ADAMTSL1: variants seen among roughly 807,000 people sequenced by gnomAD.
ADAMTSL1 encodes the protein ADAMTS like 1.
Under a neutral mutation model 201.8 loss-of-function variants are expected in ADAMTSL1, and 126 were observed. That is an observed-to-expected ratio of 0.62 (90% CI 0.54 to 0.72). The LOEUF (loss-of-function observed/expected upper bound fraction) is 0.72. Ranked by LOEUF, ADAMTSL1 falls within the 30% of genes least tolerant of loss-of-function variation. ADAMTSL1 has a pLI of 0.00. For missense variants in ADAMTSL1, 2,679 were observed against 2,277.8 expected, an observed-to-expected ratio of 1.18 and a Z score of -3.59; for synonymous variants, 1,121 against 903.4, an observed-to-expected ratio of 1.24 and a Z score of -4.32.
intron 25 of ADAMTSL1, chr9:18,890,794 C>T (rs921045700): frequency 2.0e-5 from 7 of 347,534 alleles, no homozygotes; most frequent in Non-Finnish European, 2.8e-5. Flanking sequence ...AAATGCAGGC[C>T]TGACATTCAC....
At chr9:18,680,611 C>G in intron 11 of ADAMTSL1, 95 bp downstream of exon 11, 2 of 1,401,288 alleles carry the variant, frequency 1.4e-6, no homozygotes, top group Non-Finnish European at 2.0e-6. Flanking sequence ...CAGCTCCACA[C>G]TCTTCTTGAG....
At chr9:18,803,795 G>C (rs1020887541) in intron 20 of ADAMTSL1, among the ~76,000 whole-genome samples, 9 of 152,058 alleles carry the variant, frequency 5.9e-5, no homozygotes, top group African/African-American at 2.2e-4. Flanking sequence ...CCCCTGGTTT[G>C]TATTTCATTT....
chr9:18,416,382 A>G (rs1006870802), intron 2 of ADAMTSL1, among the ~76,000 whole-genome samples: 4 of 150,264 alleles, frequency 2.7e-5, no homozygotes, highest in African/African-American at 4.9e-5. Context: ...AAATGGAATT[A>G]TAAAAAAATT....
intron 1 of ADAMTSL1, among the ~76,000 whole-genome samples, chr9:18,149,313 G>T (rs1475241477): frequency 6.6e-6 from 1 of 152,030 alleles, no homozygotes; most frequent in Non-Finnish European, 1.5e-5. Context: ...GATCATGGTG[G>T]GTTCAGAAGG....
rs1005948639 is a variant in ADAMTSL1, at chr9:18,770,131, C to T, written c.2218-471C>T. Among the ~76,000 whole-genome samples, 5 of 152,156 alleles carry T rather than the reference C, an allele frequency of 3.3e-5. No individual in the cohort carries two copies. In the East Asian group the frequency reaches 7.7e-4, roughly 23 times the overall value. ...CAGACCCTAAATCTAATGCCCATTCCGTGTGGTAGAGTGCCTTCACTTAGA... is the reference window on the plus strand; with the variant it reads ...CAGACCCTAAATCTAATGCCCATTCTGTGTGGTAGAGTGCCTTCACTTAGA... On this transcript the variant is annotated intron_variant, in intron 16 of 28. Coordinates refer to ENST00000380548, the MANE Select transcript of ADAMTSL1 (RefSeq NM_001040272.6).
At position 18,657,758 on chromosome 9, in the gene ADAMTSL1, T is replaced by G; in HGVS notation, c.946+8T>G. ...CAGCAACCTGTGGAGGAGGTAATGG[T>G]GTTCACTTAGTCTAAAAACTGTTGG... On this transcript the variant is annotated splice_region_variant and intron_variant, in intron 8 of 28. Coordinates refer to ENST00000380548, the MANE Select transcript of ADAMTSL1 (RefSeq NM_001040272.6). 1 of 1,605,888 alleles carries G rather than the reference T, an allele frequency of 6.2e-7. No individual in the cohort carries two copies. The highest frequency in any genetic ancestry group is 1.1e-5 in the South Asian group (1 of 90,920).
At chr9:18,886,168 A>ATGTGTG (rs1229697274) in intron 23 of ADAMTSL1, among the ~76,000 whole-genome samples, 1 of 39,482 alleles carries the variant, frequency 2.5e-5, no homozygotes, top group Admixed American at 2.0e-4. Context: ...GTGTATGTGT[A>ATGTGTG]TATATATATA....
chr9:18,581,046 A>G lies in ADAMTSL1; in HGVS notation c.474+6780A>G, dbSNP rs545749842. Among the ~76,000 whole-genome samples the G allele has an allele frequency of 2.0e-5, 3 of 152,210 alleles. No homozygotes were observed. In the South Asian group the frequency reaches 6.2e-4, roughly 32 times the overall value. On this transcript the variant is annotated intron_variant, in intron 4 of 28. Coordinates refer to ENST00000380548, the MANE Select transcript of ADAMTSL1 (RefSeq NM_001040272.6). The stretch of plus-strand genomic sequence containing the variant: ...ACAGAAATTTATTCTCCCACAGTTC[A>G]TGAGGCCAGAATTCAAAAATCAAAG...
intron 15 of ADAMTSL1, among the ~76,000 whole-genome samples, chr9:18,728,434 G>A (rs775037285): frequency 2.2e-4 from 34 of 152,026 alleles, no homozygotes; most frequent in Non-Finnish European, 4.3e-4. Context: ...TATTAAAGCA[G>A]AGAGTGTTTT....
chr9:18,084,827 T>A (rs1194911050), intron 1 of ADAMTSL1, among the ~76,000 whole-genome samples: 2 of 151,300 alleles, frequency 1.3e-5, no homozygotes, highest in Admixed American at 6.6e-5. Context: ...AACATTATAA[T>A]CAGGTAAAGC....
intron 20 of ADAMTSL1, among the ~76,000 whole-genome samples, chr9:18,797,134 AG>A (rs1316260409): frequency 6.6e-6 from 1 of 152,206 alleles, no homozygotes; most frequent in African/African-American, 2.4e-5. Context: ...GCAGCCAAAG[AG>A]GCACCAGGGA....
At chr9:18,508,640 G>T (rs559976088) in intron 2 of ADAMTSL1, among the ~76,000 whole-genome samples, 2 of 152,136 alleles carry the variant, frequency 1.3e-5, no homozygotes, top group Non-Finnish European at 2.9e-5. Context: ...AGCTATCAAA[G>T]TTCATGGAGA....
chr9:18,718,177 A>G (rs752235537), intron 14 of ADAMTSL1: 2 of 797,130 alleles, frequency 2.5e-6, no homozygotes, highest in African/African-American at 3.4e-5. Context: ...TCCAAGTCAT[A>G]CTTATTACCA....
At chr9:18,318,781 A>T (rs76655351) in intron 2 of ADAMTSL1, among the ~76,000 whole-genome samples, 3,516 of 152,200 alleles carry the variant, frequency 0.023, 124 homozygotes, top group African/African-American at 0.079. Context: ...CAGATTCAGC[A>T]AGTCTAACGG....
At chr9:18,900,644 A>T (rs955944972) in intron 26 of ADAMTSL1, among the ~76,000 whole-genome samples, 9 of 152,212 alleles carry the variant, frequency 5.9e-5, no homozygotes, top group Admixed American at 3.3e-4. Context: ...TAGAGCTGAA[A>T]GCGTTATCCT....
intron 1 of ADAMTSL1, among the ~76,000 whole-genome samples, chr9:18,057,548 AG>A (rs755706733): frequency 9.2e-5 from 14 of 152,186 alleles, no homozygotes; most frequent in Non-Finnish European, 1.8e-4. Flanking sequence ...GTTACAAACA[AG>A]GGAGAAATCA....
At chr9:18,692,954 A>C (rs1481531504) in intron 13 of ADAMTSL1, among the ~76,000 whole-genome samples, 1 of 152,238 alleles carries the variant, frequency 6.6e-6, no homozygotes, top group Non-Finnish European at 1.5e-5. Flanking sequence ...GTCTGAAACA[A>C]GTGTCATATC....
intron 1 of ADAMTSL1, among the ~76,000 whole-genome samples, chr9:18,490,752 C>T (rs763941899): frequency 6.6e-5 from 10 of 152,094 alleles, no homozygotes; most frequent in Admixed American, 4.6e-4. Flanking sequence ...GAGCATATTC[C>T]GCAGCAAGAT....
At chr9:18,718,128 G>C in intron 14 of ADAMTSL1, 4 of 1,088,078 alleles carry the variant, frequency 3.7e-6, no homozygotes, top group South Asian at 1.2e-5. Context: ...TGTCTTGCTA[G>C]ATTTTTGACC....
Sources: gnomAD v4.1 joint callset for allele counts (sites outside exome capture counted in the v4.1 genomes callset) on GRCh38, gnomAD v4.1.1 for gene constraint, MANE v1.5 for transcripts, NCBI Gene and HGNC (gene_info 2026-07-23, HGNC 2026-07-21) for gene names.